Variants in GRID2 observed in about 807,000 individuals in gnomAD.
GRID2 encodes the protein glutamate receptor ionotropic, delta-2.
GRID2 carries 33 observed loss-of-function variants against 114.8 expected under a neutral mutation model. That is an observed-to-expected ratio of 0.29 (90% CI 0.22 to 0.38). The LOEUF is 0.38. Ranked by LOEUF, GRID2 falls within the 10% of genes least tolerant of loss-of-function variation. The probability of loss-of-function intolerance (pLI) is 1.00; values close to 1 mark genes in which losing one functional copy is unlikely to be tolerated. For missense variants in GRID2, 1,184 were observed against 1,257.7 expected (o/e 0.94, Z 0.89); for synonymous variants, 505 against 449.9 (o/e 1.12, Z -1.55).
At chr4:93,149,419 CA>C (rs901742081) in intron 4 of GRID2, among the ~76,000 whole-genome samples, 7 of 151,722 alleles carry the variant, frequency 4.6e-5, no homozygotes, top group African/African-American at 1.7e-4. Flanking sequence ...AGTGAAAATA[CA>C]AAAAAATTAG....
intron 2 of GRID2, among the ~76,000 whole-genome samples, chr4:92,807,699 AAAT>A (rs1175237589): frequency 1.3e-5 from 2 of 152,052 alleles, no homozygotes; most frequent in African/African-American, 4.8e-5. Flanking sequence ...TATGCTGAAG[AAAT>A]AATAAGACGG....
chr4:92,370,160 A>G (rs933432413), intron 1 of GRID2, among the ~76,000 whole-genome samples: 7 of 152,086 alleles, frequency 4.6e-5, no homozygotes, highest in African/African-American at 9.7e-5. Context: ...AATTATCATT[A>G]TATCTGTTAT....
chr4:92,999,220 T>C (rs1460584882), intron 2 of GRID2, among the ~76,000 whole-genome samples: 1 of 151,938 alleles, frequency 6.6e-6, no homozygotes, highest in Non-Finnish European at 1.5e-5. Flanking sequence ...TTGTGTACTT[T>C]TCTATGCAGT....
At chr4:92,453,769 T>C (rs1209902351) in intron 1 of GRID2, among the ~76,000 whole-genome samples, 1 of 152,160 alleles carries the variant, frequency 6.6e-6, no homozygotes, top group Admixed American at 6.5e-5. Flanking sequence ...CTCTCAAATA[T>C]TGATTGATTT....
intron 1 of GRID2, among the ~76,000 whole-genome samples, chr4:92,589,787 A>T (rs1410336483): frequency 6.6e-6 from 1 of 152,192 alleles, no homozygotes; most frequent in Non-Finnish European, 1.5e-5. Flanking sequence ...TCAGAAAAGA[A>T]ATCTTCCAGC....
chr4:93,782,533 ACTC>A (rs574581805), intron 1 of GRID2, among the ~76,000 whole-genome samples: 1 of 152,140 alleles, frequency 6.6e-6, no homozygotes, highest in Non-Finnish European at 1.5e-5. Context: ...GGTCTGAAAT[ACTC>A]ATCATCACAA....
intron 8 of GRID2, among the ~76,000 whole-genome samples, chr4:93,296,600 A>C (rs61629814): frequency 0.054 from 8,217 of 152,182 alleles, 745 homozygotes; most frequent in African/African-American, 0.19. Flanking sequence ...CAAACATCCA[A>C]CAAACAAACA....
intron 14 of GRID2, among the ~76,000 whole-genome samples, chr4:93,685,582 T>A (rs1463590742): frequency 1.3e-5 from 2 of 152,096 alleles, no homozygotes; most frequent in African/African-American, 4.8e-5. Flanking sequence ...TAGTAGGTGC[T>A]CACTAAATGA....
At position 93,465,383 on chromosome 4, in the gene GRID2, C is replaced by T. The variant is rs545579709; in HGVS notation, c.1858+9409C>T. Among the ~76,000 whole-genome samples the T allele has an allele frequency of 7.2e-5, 11 of 152,298 alleles. No homozygotes were observed. In the East Asian group the frequency reaches 2.1e-3, roughly 29 times the overall value. On this transcript the variant is annotated intron_variant, in intron 11 of 15. Transcript: ENST00000282020. ...TCTATAAAAATGTAAGATTCAGTAA[C>T]ATAAATATCTAACTAAACTACTCTT... is the stretch of plus-strand genomic sequence containing the variant.
intron 1 of GRID2, among the ~76,000 whole-genome samples, chr4:92,311,866 CA>C (rs1181127428): frequency 6.6e-6 from 1 of 151,888 alleles, no homozygotes; most frequent in Non-Finnish European, 1.5e-5. Context: ...GTTGAACCAA[CA>C]AGCTATGTTT....
intron 2 of GRID2, among the ~76,000 whole-genome samples, chr4:92,629,743 CAT>C (rs1436194942): frequency 1.3e-5 from 2 of 149,106 alleles, no homozygotes; most frequent in East Asian, 3.9e-4. Flanking sequence ...AGATCACTAA[CAT>C]AACTGAAGCA....
chr4:93,394,370 C>T (rs1765129195), intron 8 of GRID2, among the ~76,000 whole-genome samples: 1 of 151,942 alleles, frequency 6.6e-6, no homozygotes, highest in Admixed American at 6.6e-5. Flanking sequence ...AAAGCTGGCT[C>T]TGCTGTTTAT....
At chr4:93,036,850 A>C (rs1292942290) in intron 2 of GRID2, among the ~76,000 whole-genome samples, 1 of 152,132 alleles carries the variant, frequency 6.6e-6, no homozygotes, top group Non-Finnish European at 1.5e-5. Context: ...TTTATTCTGT[A>C]TGAGGAAATA....
At position 92,332,617 on chromosome 4, in the gene GRID2, G is replaced by A. The variant is rs187886771; in HGVS notation, c.88+27873G>A. 2.6e-5 allele frequency among the ~76,000 whole-genome samples: 4 copies of A among 152,206 alleles called. No homozygotes were observed. The East Asian group carries it at 7.7e-4, about 29-fold the overall frequency. On this transcript the variant is annotated intron_variant, in intron 1 of 15. Coordinates refer to ENST00000282020, the MANE Select transcript of GRID2 (RefSeq NM_001510.4). ...TTAAAGTTTCATCTAAATCAAATAT[G>A]AGTGAGACTTAAAGCATGATTTATT...
chr4:93,803,787 G>A (rs1235179713), intron 1 of GRID2, among the ~76,000 whole-genome samples: 1 of 152,070 alleles, frequency 6.6e-6, no homozygotes, highest in Admixed American at 6.6e-5. Context: ...ATTTTATGTG[G>A]TTCCTTTTTT....
chr4:93,728,088 T>A (rs1479737650), intron 14 of GRID2, among the ~76,000 whole-genome samples: 2 of 152,140 alleles, frequency 1.3e-5, no homozygotes, highest in South Asian at 4.1e-4. Context: ...AGGGTGTCAA[T>A]TTTAGATCTT....
At chr4:93,405,184 C>T (rs1244591253) in intron 9 of GRID2, among the ~76,000 whole-genome samples, 1 of 152,038 alleles carries the variant, frequency 6.6e-6, no homozygotes, top group Non-Finnish European at 1.5e-5. Context: ...TGAGTGTACT[C>T]ATCTTAGGTG....
intron 2 of GRID2, among the ~76,000 whole-genome samples, chr4:92,825,482 C>A (rs1741631795): frequency 6.6e-6 from 1 of 152,120 alleles, no homozygotes; most frequent in Admixed American, 6.6e-5. Context: ...CTTAACATGG[C>A]CAAATGCCAT....
At chr4:93,511,836 G>A (rs1303187414) in intron 12 of GRID2, among the ~76,000 whole-genome samples, 5 of 149,632 alleles carry the variant, frequency 3.3e-5, no homozygotes, top group African/African-American at 1.2e-4. Context: ...CCAGGCTAGA[G>A]TGCAATGGTG....
Sources: allele counts gnomAD v4.1 joint callset (sites outside exome capture counted in the v4.1 genomes callset), GRCh38; gene constraint gnomAD v4.1.1; transcripts MANE v1.5; gene names NCBI Gene and HGNC (gene_info 2026-07-23, HGNC 2026-07-21).